The following HS6ST3 variants were observed in gnomAD, a reference collection of about 807,000 sequenced individuals.
HS6ST3 encodes the protein heparan-sulfate 6-O-sulfotransferase 3.
Under a neutral mutation model 36.7 loss-of-function variants are expected in HS6ST3, and 12 were observed. The observed-to-expected ratio is 0.33, with a 90% CI of 0.21 to 0.53. HS6ST3 has a LOEUF of 0.53. Ranked by LOEUF, HS6ST3 falls within the 20% of genes least tolerant of loss-of-function variation. The pLI, the probability that HS6ST3 is intolerant of heterozygous loss-of-function variation, is 0.95. For missense variants in HS6ST3, 584 were observed against 640.9 expected (o/e 0.91, Z 0.96); for synonymous variants, 240 against 257.5 (o/e 0.93, Z 0.65).
intron 1 of HS6ST3, among the ~76,000 whole-genome samples, chr13:96,624,434 G>A (rs1032526791): frequency 2.6e-5 from 4 of 151,772 alleles, no homozygotes; most frequent in Non-Finnish European, 4.4e-5. Context: ...TTTATTTTTC[G>A]AACTCACATT....
chr13:96,494,404 A>AG (rs1185160513), intron 1 of HS6ST3, among the ~76,000 whole-genome samples: 1 of 49,972 alleles, frequency 2.0e-5, no homozygotes, highest in African/African-American at 8.2e-5. Flanking sequence ...GGGTGGGGGG[A>AG]GGGGGGAGGG....
intron 1 of HS6ST3, among the ~76,000 whole-genome samples, chr13:96,241,277 GCTATAATACAACTC>G (rs1293998311): frequency 6.6e-6 from 1 of 151,858 alleles, no homozygotes; most frequent in Non-Finnish European, 1.5e-5. Flanking sequence ...GAGTGACATT[GCTATAATACAACTC>G]CTTCCATTTC....
At position 96,564,235 on chromosome 13, in the gene HS6ST3, TTTGC is replaced by T. The variant is rs1332112591; in HGVS notation, c.708-268251_708-268248del. ...TTTTCTTCTACCTATTCAGGAATTC[TTTGC>T]TTGGGAAAAACTCAGACGGCATGCA... On this transcript the variant is annotated intron_variant, in intron 1 of 1. Coordinates refer to ENST00000376705, the MANE Select transcript of HS6ST3 (RefSeq NM_153456.4). 2.6e-5 allele frequency among the ~76,000 whole-genome samples: 4 copies of T among 152,330 alleles called. No individual in the cohort carries two copies. In the East Asian group the frequency reaches 7.7e-4, roughly 29 times the overall value.
intron 1 of HS6ST3, among the ~76,000 whole-genome samples, chr13:96,698,215 G>T (rs1344109747): frequency 1.3e-5 from 2 of 152,028 alleles, no homozygotes; most frequent in African/African-American, 4.8e-5. Flanking sequence ...CCCACAACAG[G>T]CCCCGGTGTG....
At chr13:96,539,634 C>T (rs572814550) in intron 1 of HS6ST3, among the ~76,000 whole-genome samples, 5 of 152,248 alleles carry the variant, frequency 3.3e-5, no homozygotes, top group South Asian at 2.1e-4. Context: ...GGATTACATG[C>T]GTGAGCCTGG....
At chr13:96,787,487 A>G (rs1877679914) in intron 1 of HS6ST3, among the ~76,000 whole-genome samples, 1 of 152,096 alleles carries the variant, frequency 6.6e-6, no homozygotes, top group South Asian at 2.1e-4. Context: ...GATGTATGAT[A>G]GTATACTATT....
intron 1 of HS6ST3, among the ~76,000 whole-genome samples, chr13:96,184,578 C>T (rs2054256901): frequency 6.6e-6 from 1 of 152,098 alleles, no homozygotes; most frequent in African/African-American, 2.4e-5. Context: ...GTTCTTCAAT[C>T]ATGTCCTTTC....
At chr13:96,225,427 C>T (rs1239330575) in intron 1 of HS6ST3, among the ~76,000 whole-genome samples, 1 of 152,058 alleles carries the variant, frequency 6.6e-6, no homozygotes, top group Non-Finnish European at 1.5e-5. Flanking sequence ...TTTTTTTCCC[C>T]AAAGGGGAAC....
intron 1 of HS6ST3, among the ~76,000 whole-genome samples, chr13:96,119,877 A>G (rs80274393): frequency 2.1e-5 from 1 of 47,420 alleles, no homozygotes; most frequent in East Asian, 8.2e-4. Flanking sequence ...ATATAATAGG[A>G]AAAAAAAAAA....
intron 1 of HS6ST3, among the ~76,000 whole-genome samples, chr13:96,394,015 A>T (rs2055408659): frequency 6.6e-6 from 1 of 152,192 alleles, no homozygotes; most frequent in African/African-American, 2.4e-5. Flanking sequence ...CACGTGTCTT[A>T]TGAAGTTTTT....
chr13:96,654,159 G>A (rs1481274215), intron 1 of HS6ST3, among the ~76,000 whole-genome samples: 1 of 152,146 alleles, frequency 6.6e-6, no homozygotes, highest in African/African-American at 2.4e-5. Context: ...TGTGTAGGTT[G>A]CCTGTTCACT....
At chr13:96,819,742 C>T (rs1209151219) in intron 1 of HS6ST3, among the ~76,000 whole-genome samples, 1 of 152,142 alleles carries the variant, frequency 6.6e-6, no homozygotes, top group Non-Finnish European at 1.5e-5. Flanking sequence ...CTACTTTTTA[C>T]TTGTTGACCT....
chr13:96,233,746 A>T (rs2054519057), intron 1 of HS6ST3, among the ~76,000 whole-genome samples: 1 of 152,086 alleles, frequency 6.6e-6, no homozygotes, highest in South Asian at 2.1e-4. Context: ...GAATGTGGAG[A>T]GGTTGGGCAG....
chr13:96,246,411 C>T (rs1263524177), intron 1 of HS6ST3, among the ~76,000 whole-genome samples: 2 of 152,114 alleles, frequency 1.3e-5, no homozygotes, highest in South Asian at 2.1e-4. Context: ...AATACATTAT[C>T]GAGGACATTT....
chr13:96,813,965 C>T (rs936714080), intron 1 of HS6ST3, among the ~76,000 whole-genome samples: 1 of 152,066 alleles, frequency 6.6e-6, no homozygotes, highest in African/African-American at 2.4e-5. Flanking sequence ...TGCTAATTGT[C>T]TTTTATCTTA....
chr13:96,653,174 C>T (rs1378713347), intron 1 of HS6ST3, among the ~76,000 whole-genome samples: 2 of 151,956 alleles, frequency 1.3e-5, no homozygotes, highest in African/African-American at 4.8e-5. Flanking sequence ...GAAACCTCAA[C>T]TGTTGGTTCA....
chr13:96,622,115 G>C (rs890571429), intron 1 of HS6ST3, among the ~76,000 whole-genome samples: 6 of 151,992 alleles, frequency 3.9e-5, no homozygotes, highest in Non-Finnish European at 7.4e-5. Flanking sequence ...CTTATTTGGA[G>C]GTCTGCACCT....
At chr13:96,186,341 C>T (rs1033823748) in intron 1 of HS6ST3, among the ~76,000 whole-genome samples, 1 of 152,192 alleles carries the variant, frequency 6.6e-6, no homozygotes, top group African/African-American at 2.4e-5. Flanking sequence ...ATTTGCCTTA[C>T]CAGGTCTCCT....
intron 1 of HS6ST3, among the ~76,000 whole-genome samples, chr13:96,409,488 A>G (rs1594774025): frequency 1.3e-5 from 2 of 152,172 alleles, no homozygotes; most frequent in South Asian, 4.1e-4. Flanking sequence ...GGGTGGGAAG[A>G]GTGTTGATAA....
Sources: gnomAD v4.1 joint callset for allele counts (sites outside exome capture counted in the v4.1 genomes callset) on GRCh38, gnomAD v4.1.1 for gene constraint, MANE v1.5 for transcripts, NCBI Gene and HGNC (gene_info 2026-07-23, HGNC 2026-07-21) for gene names.